NDUFAF5: variants seen among roughly 807,000 people sequenced by gnomAD.
NDUFAF5 encodes the protein NADH:ubiquinone oxidoreductase complex assembly factor 5.
NDUFAF5 carries 34 observed loss-of-function variants against 48.9 expected under a neutral mutation model. The ratio of observed to expected loss-of-function variants is 0.70; its 90% CI spans 0.53 to 0.93. The LOEUF (loss-of-function observed/expected upper bound fraction) is 0.93, where lower values mean the gene tolerates loss of function less well. Among genes scored for constraint, NDUFAF5 ranks in the 40% least tolerant of loss-of-function variants. NDUFAF5 has a pLI of 0.00. For synonymous variants in NDUFAF5, 153 were observed against 150.6 expected (o/e 1.02, Z -0.12); for missense variants, 428 against 427.5 (o/e 1.00, Z -0.01).
chr20:13,787,233 A>C (rs988430614), intron 1 of NDUFAF5, 79 bp from the exon 2 acceptor site: 11 of 1,456,920 alleles, frequency 7.6e-6, no homozygotes, highest in Non-Finnish European at 1.1e-5. Flanking sequence ...ATTTTAAAAC[A>C]TAAGTAACTT....
At chr20:13,805,652 G>T (rs915179583) in intron 7 of NDUFAF5, among the ~76,000 whole-genome samples, 3 of 152,016 alleles carry the variant, frequency 2.0e-5, no homozygotes, top group African/African-American at 4.8e-5. Context: ...TTAATATTGC[G>T]TCCTGGCCAG....
At chr20:13,814,084 G>T in intron 8 of NDUFAF5, 1 of 221,682 alleles carries the variant, frequency 4.5e-6, no homozygotes, top group African/African-American at 2.3e-5. Context: ...TTTAATGTGT[G>T]AGGAAACCCA....
At position 13,817,109 on chromosome 20, in the gene NDUFAF5, T is replaced by A. The variant is rs1986564157; in HGVS notation, c.946-9T>A. The A allele has an allele frequency of 6.2e-7, 1 of 1,612,260 alleles. No homozygotes were observed. The highest frequency in any genetic ancestry group is 2.2e-5 in the East Asian group (1 of 44,840). ...TATTTCTAATATCTTTAATCTTTATTATTTTCAGGCAAGACCAGCTGAAAG... is the reference window on the plus strand; with the variant it reads ...TATTTCTAATATCTTTAATCTTTATAATTTTCAGGCAAGACCAGCTGAAAG... On this transcript the variant is annotated splice_polypyrimidine_tract_variant and intron_variant, in intron 10 of 10. Transcript: ENST00000378106.
rs769458895 is a variant in NDUFAF5, at chr20:13,817,196, A to G, written c.1024A>G (p.Lys342Glu). 18 of 1,612,028 alleles carry G rather than the reference A, an allele frequency of 1.1e-5. No homozygotes were observed. The Middle Eastern group carries it at 6.6e-4, about 59-fold the overall frequency. The change falls in exon 11 of 11, where the codon AAA becomes GAA. Residue 342 changes from lysine to glutamate, a missense_variant. Physicochemically the swap from Lys to Glu is moderately conservative, Grantham distance 56 (BLOSUM62 1). Transcript: ENST00000378106. Reference protein sequence around the residue: ...GKINNLMPPGKKSQ With the variant: ...GKINNLMPPGEKSQ ...AATAAACAACCTTATGCCACCGGGG[A>G]AAAAATCACAATAAATATTTATTCA...
In NDUFAF5 at chr20:13,820,471, A is replaced by G. The variant is rs1167868665; in HGVS notation, c.*3261A>G. On this transcript the variant is annotated 3_prime_UTR_variant, in exon 11 of 11. Coordinates refer to ENST00000378106, the MANE Select transcript of NDUFAF5 (RefSeq NM_024120.5). The stretch of plus-strand genomic sequence containing the variant: ...CACTTTGGGAAGCTGAGACGGGAGG[A>G]TTGCTTGAGCCCAGGAGTTTGAGAC... The G allele has an allele frequency of 6.6e-6, 1 of 152,092 alleles. No individual in the cohort carries two copies. The highest frequency in any genetic ancestry group is 1.5e-5 in the Non-Finnish European group (1 of 68,068). The allele number at this position is 152,092 out of a possible 1,614,324, so 9.4% of individuals were successfully genotyped here.
intron 5 of NDUFAF5, among the ~76,000 whole-genome samples, chr20:13,798,091 G>A (rs1983525617): frequency 6.6e-6 from 1 of 152,068 alleles, no homozygotes; most frequent in African/African-American, 2.4e-5. Context: ...TAACTGATGA[G>A]CTTCTTTGAG....
At chr20:13,816,424 T>C in intron 8 of NDUFAF5, 39 bp from the exon 9 acceptor site, 2 of 1,426,332 alleles carry the variant, frequency 1.4e-6, no homozygotes, top group Non-Finnish European at 2.0e-6. Context: ...TTCAGGGTGT[T>C]TGCTGTATTA....
chr20:13,807,542 A>G (rs943394802), intron 7 of NDUFAF5, among the ~76,000 whole-genome samples: 1 of 150,848 alleles, frequency 6.6e-6, no homozygotes, highest in South Asian at 2.1e-4. Flanking sequence ...TTTTTTTCCT[A>G]TAGACATGTA....
At chr20:13,790,754 G>A (rs1982148647) in intron 3 of NDUFAF5, among the ~76,000 whole-genome samples, 1 of 152,054 alleles carries the variant, frequency 6.6e-6, no homozygotes, top group Non-Finnish European at 1.5e-5. Context: ...TGGCCTCCTT[G>A]CAGTCTCTCA....
chr20:13,811,814 A>G (rs556520261), intron 8 of NDUFAF5, among the ~76,000 whole-genome samples: 13 of 152,214 alleles, frequency 8.5e-5, no homozygotes, highest in Admixed American at 2.6e-4. Context: ...TTATATATAT[A>G]GACTGACATC....
intron 8 of NDUFAF5, among the ~76,000 whole-genome samples, chr20:13,812,602 A>G (rs77730337): frequency 0.017 from 2,547 of 152,348 alleles, 21 homozygotes; most frequent in Non-Finnish European, 0.024. Flanking sequence ...TGATTTCAAC[A>G]TATGAGCAGC....
intron 1 of NDUFAF5, chr20:13,787,065 A>ATGTGTGTG (rs71188187): frequency 4.1e-6 from 2 of 486,782 alleles, no homozygotes; most frequent in African/African-American, 4.0e-5. Flanking sequence ...ACATATATAT[A>ATGTGTGTG]TGTGTGTGTG....
At chr20:13,801,144 T>C (rs572342401) in intron 6 of NDUFAF5, among the ~76,000 whole-genome samples, 2 of 152,314 alleles carry the variant, frequency 1.3e-5, no homozygotes, top group South Asian at 4.1e-4. Context: ...GCAGGGAGGT[T>C]TGTGATTTTT....
In NDUFAF5 at chr20:13,818,245, T is replaced by G. The variant is rs953501647; in HGVS notation, c.*1035T>G. 3 of 453,974 alleles carry G rather than the reference T, an allele frequency of 6.6e-6. No individual in the cohort carries two copies. The East Asian group carries it at 2.1e-4, about 31-fold the overall frequency. 28.1% of individuals were successfully genotyped at this position (453,974 alleles called of 1,614,324 possible). ...ACATAGTAGATATTCAGTTACATTT[T>G]GAACTAATTATATAACAAACTTGCC... On this transcript the variant is annotated 3_prime_UTR_variant, in exon 11 of 11. Coordinates refer to ENST00000378106, the MANE Select transcript of NDUFAF5 (RefSeq NM_024120.5).
intron 6 of NDUFAF5, among the ~76,000 whole-genome samples, chr20:13,800,269 A>G (rs558078771): frequency 6.6e-6 from 1 of 152,332 alleles, no homozygotes; most frequent in East Asian, 1.9e-4. Flanking sequence ...GTTTGATGAC[A>G]GGAGGAGGAA....
intron 1 of NDUFAF5, among the ~76,000 whole-genome samples, chr20:13,786,557 CT>C (rs1053252582): frequency 4.5e-4 from 69 of 152,228 alleles, no homozygotes; most frequent in African/African-American, 1.6e-3. Flanking sequence ...AGGTGGACTC[CT>C]GGGAAAAACA....
At chr20:13,788,458 A>T in intron 2 of NDUFAF5, 131 bp from the exon 3 acceptor site, 2 of 712,468 alleles carry the variant, frequency 2.8e-6, no homozygotes, top group Non-Finnish European at 2.5e-6. Flanking sequence ...TTGTAAGGTG[A>T]GGCTGAAAAG....
chr20:13,814,211 A>G (rs899342802), intron 8 of NDUFAF5: 5 of 344,568 alleles, frequency 1.5e-5, no homozygotes, highest in African/African-American at 4.3e-5. Context: ...CTGCCTTGGA[A>G]AAAGTCAGAG....
chr20:13,795,051 G>C (rs1466594111), intron 5 of NDUFAF5, 110 bp downstream of exon 5: 23 of 737,962 alleles, frequency 3.1e-5, no homozygotes, highest in Middle Eastern at 3.4e-4. Flanking sequence ...CTAGCACTTT[G>C]GGAGGCCGAG....
Sources: allele counts gnomAD v4.1 joint callset (sites outside exome capture counted in the v4.1 genomes callset), GRCh38; gene constraint gnomAD v4.1.1; transcripts MANE v1.5; gene names NCBI Gene and HGNC (gene_info 2026-07-23, HGNC 2026-07-21).